Variants in GLI2 observed in about 807,000 individuals in gnomAD.
GLI2 encodes the protein GLI family zinc finger 2.
A neutral mutation model predicts 78.9 loss-of-function variants in GLI2; 22 were observed. That is an observed-to-expected ratio of 0.28 (90% confidence interval 0.20 to 0.40). The LOEUF (loss-of-function observed/expected upper bound fraction) is 0.40. GLI2 is among the 10% of genes least tolerant of loss of function. GLI2 has a pLI of 1.00. For synonymous variants in GLI2, 974 were observed against 963.7 expected (o/e 1.01, Z -0.20); for missense variants, 2,097 against 2,213.2 (o/e 0.95, Z 1.05).
At chr2:120,928,845 G>A (rs137860448) in intron 3 of GLI2, among the ~76,000 whole-genome samples, 7 of 152,288 alleles carry the variant, frequency 4.6e-5, no homozygotes, top group African/African-American at 1.4e-4. Context: ...TATGCTTCAC[G>A]CAGCTCCTCA....
chr2:120,808,552 G>C (rs1558807792), intron 2 of GLI2, among the ~76,000 whole-genome samples: 1 of 152,208 alleles, frequency 6.6e-6, no homozygotes. Context: ...GACTGGGTGA[G>C]TTGCTGAGGC....
At chr2:120,884,323 A>G (rs1383918298) in intron 2 of GLI2, among the ~76,000 whole-genome samples, 1 of 152,202 alleles carries the variant, frequency 6.6e-6, no homozygotes. Context: ...GGTAAAGGAC[A>G]GTATTGCAGT....
intron 1 of GLI2, among the ~76,000 whole-genome samples, chr2:120,767,530 G>A (rs189488887): frequency 2.0e-5 from 3 of 152,318 alleles, no homozygotes; most frequent in East Asian, 3.9e-4. Flanking sequence ...CCATCAGAGC[G>A]CTATTAGTAA....
At chr2:120,936,993 G>T (rs1238033345) in intron 3 of GLI2, among the ~76,000 whole-genome samples, 1 of 152,176 alleles carries the variant, frequency 6.6e-6, no homozygotes. Flanking sequence ...TGGTATGTCT[G>T]GTGCCCGTCA....
intron 2 of GLI2, among the ~76,000 whole-genome samples, chr2:120,886,342 T>C (rs1215530741): frequency 2.0e-5 from 3 of 152,126 alleles, no homozygotes; most frequent in Non-Finnish European, 4.4e-5. Flanking sequence ...CATGGCTCAC[T>C]GCAGCCTTGT....
intron 6 of GLI2, 54 bp downstream of exon 6, chr2:120,968,969 G>A (rs997269735): frequency 2.9e-5 from 41 of 1,416,208 alleles, no homozygotes; most frequent in East Asian, 1.9e-4. Context: ...CTGAGGGCCC[G>A]GTGGGGAGGC....
intron 2 of GLI2, among the ~76,000 whole-genome samples, chr2:120,878,841 T>G (rs1416005054): frequency 6.6e-6 from 1 of 151,484 alleles, no homozygotes; most frequent in Non-Finnish European, 1.5e-5. Flanking sequence ...GTCAGGAGAA[T>G]CGCTTGAACC....
rs374720680 is a variant in GLI2 at position 120,743,585 on chromosome 2, C to T, written c.-31+7300C>T. 4.7e-4 allele frequency among the ~76,000 whole-genome samples: 72 copies of T among 152,282 alleles called. No individual in the cohort carries two copies. In the South Asian group the frequency reaches 0.012, roughly 26 times the overall value. ...ACTTTCTTATATATACCATCCTTCC[C>T]GGCTGTTTCCCTCTGGAAGAAGCTA... On this transcript the variant is annotated intron_variant, in intron 1 of 13. Coordinates refer to ENST00000361492, the MANE Select transcript of GLI2 (RefSeq NM_001374353.1).
intron 2 of GLI2, among the ~76,000 whole-genome samples, chr2:120,808,948 C>T (rs552380919): frequency 6.6e-6 from 1 of 152,160 alleles, no homozygotes; most frequent in Admixed American, 6.5e-5. Flanking sequence ...CGCCCACATG[C>T]CTGGCCCCCT....
intron 1 of GLI2, among the ~76,000 whole-genome samples, chr2:120,785,278 C>T (rs1044404686): frequency 6.6e-6 from 1 of 152,148 alleles, no homozygotes; most frequent in African/African-American, 2.4e-5. Context: ...CGGCTTAGCA[C>T]GTGAGCTACC....
intron 1 of GLI2, among the ~76,000 whole-genome samples, chr2:120,767,903 T>G (rs960802799): frequency 6.6e-6 from 1 of 152,182 alleles, no homozygotes; most frequent in Non-Finnish European, 1.5e-5. Context: ...ATCTAGGAAG[T>G]GCAGGCCCCT....
chr2:120,980,184 G>C (rs896941029), intron 10 of GLI2, among the ~76,000 whole-genome samples: 2 of 152,274 alleles, frequency 1.3e-5, no homozygotes, highest in African/African-American at 4.8e-5. Flanking sequence ...TTGGTGAGTC[G>C]TATGGCAGTT....
At chr2:120,846,340 G>A (rs749353616) in intron 2 of GLI2, among the ~76,000 whole-genome samples, 11 of 152,224 alleles carry the variant, frequency 7.2e-5, no homozygotes, top group Middle Eastern at 3.2e-3. Flanking sequence ...AAATCACTCA[G>A]AAGAGGTTTT....
intron 1 of GLI2, among the ~76,000 whole-genome samples, chr2:120,740,447 A>G (rs1307130036): frequency 1.3e-5 from 2 of 151,918 alleles, no homozygotes; most frequent in Non-Finnish European, 2.9e-5. Context: ...TAAAAAAAAA[A>G]AAACAGGTTG....
chr2:120,882,584 G>C (rs1677206835), intron 2 of GLI2, among the ~76,000 whole-genome samples: 1 of 152,222 alleles, frequency 6.6e-6, no homozygotes, highest in Non-Finnish European at 1.5e-5. Flanking sequence ...AGGCCTGCTG[G>C]GCTGTCTTTG....
At chr2:120,886,463 C>T (rs1291207900) in intron 2 of GLI2, among the ~76,000 whole-genome samples, 1 of 152,048 alleles carries the variant, frequency 6.6e-6, no homozygotes, top group Non-Finnish European at 1.5e-5. Context: ...GAAGAGGTCT[C>T]ATTATTTTGC....
intron 2 of GLI2, among the ~76,000 whole-genome samples, chr2:120,819,115 T>C (rs1324259636): frequency 1.3e-5 from 2 of 152,154 alleles, no homozygotes; most frequent in Non-Finnish European, 2.9e-5. Context: ...TCTTGTTGGG[T>C]TCCTGGCTGC....
intron 2 of GLI2, among the ~76,000 whole-genome samples, chr2:120,832,829 C>T (rs529339668): frequency 1.8e-4 from 27 of 152,146 alleles, no homozygotes; most frequent in Non-Finnish European, 1.2e-4. Context: ...GGCAGCAGAC[C>T]GGGGAAGGTC....
chr2:120,926,707 G>A (rs1320003054), intron 2 of GLI2, among the ~76,000 whole-genome samples: 6 of 152,220 alleles, frequency 3.9e-5, no homozygotes, highest in East Asian at 1.9e-4. Context: ...GGCTGACTCA[G>A]CTCTGGAAAC....
Sources: gnomAD v4.1 joint callset for allele counts (sites outside exome capture counted in the v4.1 genomes callset) on GRCh38, gnomAD v4.1.1 for gene constraint, MANE v1.5 for transcripts, NCBI Gene and HGNC (gene_info 2026-07-23, HGNC 2026-07-21) for gene names.